Variants in FOXK2 observed in about 807,000 individuals in gnomAD.
The protein encoded by FOXK2 is forkhead box protein K2.
FOXK2 carries 24 observed loss-of-function variants against 53.3 expected under a neutral mutation model. That is an observed-to-expected ratio of 0.45 (90% CI 0.33 to 0.63). The LOEUF is 0.63. Among genes scored for constraint, FOXK2 ranks in the 30% least tolerant of loss-of-function variants. The pLI is 0.03. For synonymous variants in FOXK2, 505 were observed against 407.1 expected, an observed-to-expected ratio of 1.24 and a Z score of -2.89; for missense variants, 952 against 910.5, an observed-to-expected ratio of 1.05 and a Z score of -0.59.
intron 8 of FOXK2, chr17:82,593,930 G>C (rs147789872): frequency 6.6e-6 from 1 of 152,340 alleles, no homozygotes. Context: ...CCAGAGCAGC[G>C]GGATCAGGCC....
intron 4 of FOXK2, among the ~76,000 whole-genome samples, chr17:82,574,865 C>G (rs1046212056): frequency 6.6e-6 from 1 of 152,168 alleles, no homozygotes; most frequent in African/African-American, 2.4e-5. Context: ...TCTGAGGAAT[C>G]CTATTTGAAA....
chr17:82,586,211 G>A lies in FOXK2; in HGVS notation c.1576+11G>A, dbSNP rs766302253. On this transcript the variant is annotated intron_variant, in intron 7 of 8. Coordinates refer to ENST00000335255, the MANE Select transcript of FOXK2 (RefSeq NM_004514.4). ...ACAGGGAAGTCAAAGGTAGGCGGAGGGGAAAGGAGGAGAGGGGAGACCACA... is the reference window on the plus strand; with the variant it reads ...ACAGGGAAGTCAAAGGTAGGCGGAGAGGAAAGGAGGAGAGGGGAGACCACA... 71 of 1,289,230 alleles carry A rather than the reference G, an allele frequency of 5.5e-5. No individual in the cohort carries two copies. The highest frequency in any genetic ancestry group is 7.3e-5 in the Non-Finnish European group (71 of 970,930). 79.9% of individuals were successfully genotyped at this position (1,289,230 alleles called of 1,614,324 possible).
At chr17:82,597,966 C>T (rs1294063339) in intron 8 of FOXK2, among the ~76,000 whole-genome samples, 2 of 152,148 alleles carry the variant, frequency 1.3e-5, no homozygotes, top group East Asian at 3.9e-4. Context: ...TTTCTTTTCA[C>T]TCCAGGCCTC....
At position 82,530,466 on chromosome 17, in the gene FOXK2, AGAG is replaced by A. The variant is rs1321363745; in HGVS notation, c.419+10160_419+10162del. Among the ~76,000 whole-genome samples, 273 of 106,338 alleles carry A rather than the reference AGAG, an allele frequency of 2.6e-3. 1 individual carries two copies. The highest frequency in any genetic ancestry group is 8.8e-3 in the African/African-American group (253 of 28,640). The allele number at this position is 106,338 out of a possible 152,430, so 69.8% of individuals were successfully genotyped here. A position where few individuals can be genotyped will look rare whatever the true frequency, so the allele number is the denominator to read the frequency against. ...CATCTAAAAAAAAAAAAAAAAAAAAAGAGAGAGAAAACCCGAAATAAGGAAATT... is the reference window on the plus strand; with the variant it reads ...CATCTAAAAAAAAAAAAAAAAAAAAAAGAGAAAACCCGAAATAAGGAAATT... On this transcript the variant is annotated intron_variant, in intron 1 of 8. Transcript: ENST00000335255.
intron 8 of FOXK2, among the ~76,000 whole-genome samples, chr17:82,598,116 T>G (rs1248727464): frequency 6.8e-6 from 1 of 146,092 alleles, no homozygotes; most frequent in Non-Finnish European, 1.6e-5. Context: ...TTCTGGCTGT[T>G]TGAAACCGTA....
intron 1 of FOXK2, among the ~76,000 whole-genome samples, chr17:82,534,450 C>G (rs920969575): frequency 6.6e-6 from 1 of 152,182 alleles, no homozygotes; most frequent in Non-Finnish European, 1.5e-5. Context: ...GTTCCCGAGT[C>G]TTTGCACCGG....
intron 3 of FOXK2, among the ~76,000 whole-genome samples, chr17:82,568,676 A>G (rs2044879263): frequency 6.6e-6 from 1 of 152,240 alleles, no homozygotes; most frequent in Non-Finnish European, 1.5e-5. Context: ...TTTTCCTTTT[A>G]GGACTTTGAC....
rs766033253 is a variant in FOXK2 at position 82,563,384 on chromosome 17, C to A, written c.450C>A (p.Ile150=). The change falls in exon 2 of 9, where the codon ATC becomes ATA. Residue 150 remains isoleucine (I), a synonymous_variant. Coordinates refer to ENST00000335255, the MANE Select transcript of FOXK2 (RefSeq NM_004514.4). ...CATTCAGGTTCCCGAGCACAAACAT[C>A]AAGATAACGTTCACTGCCCTGTCCA... The part of the protein sequence containing the change: ...VCTFRFPSTN[I]KITFTALSSE... 1.4e-5 allele frequency: 22 copies of A among 1,613,728 alleles called. No individual in the cohort carries two copies. In the East Asian group the frequency reaches 4.9e-4, roughly 36 times the overall value.
intron 8 of FOXK2, chr17:82,596,138 A>C: frequency 1.0e-6 from 1 of 991,488 alleles, no homozygotes; most frequent in Non-Finnish European, 1.2e-6. Context: ...CCGCGATTGC[A>C]GGGAGGAGCA....
chr17:82,545,659 G>A (rs34402276), intron 1 of FOXK2, among the ~76,000 whole-genome samples: 4,567 of 149,170 alleles, frequency 0.031, 95 homozygotes, highest in Non-Finnish European at 0.044. Flanking sequence ...TTGGCTCACT[G>A]CAACCTCTGC....
intron 8 of FOXK2, among the ~76,000 whole-genome samples, chr17:82,596,890 T>C (rs2045319003): frequency 6.6e-6 from 1 of 152,154 alleles, no homozygotes; most frequent in Non-Finnish European, 1.5e-5. Context: ...ATTCCTGTAG[T>C]CCTCCCGGGC....
chr17:82,574,026 C>A (rs1377238905), intron 4 of FOXK2, among the ~76,000 whole-genome samples: 3 of 152,258 alleles, frequency 2.0e-5, no homozygotes, highest in African/African-American at 7.2e-5. Context: ...CCACGGGACC[C>A]CTCATGCATG....
chr17:82,531,953 G>C (rs932946877), intron 1 of FOXK2, among the ~76,000 whole-genome samples: 3 of 152,132 alleles, frequency 2.0e-5, no homozygotes, highest in African/African-American at 7.2e-5. Flanking sequence ...CAGTTCTCCT[G>C]CCTCAGCTTC....
chr17:82,585,755 TTAG>T lies in FOXK2; in HGVS notation c.1280-146_1280-144del. The T allele has an allele frequency of 4.0e-6, 3 of 749,936 alleles. No individual in the cohort carries two copies. The South Asian group carries it at 5.8e-5, about 15-fold the overall frequency. 46.5% of individuals were successfully genotyped at this position (749,936 alleles called of 1,614,324 possible). ...TTAAAATACTACACCTCCCTCATTATTAGTAACTTTACTATTGTGAGGTGAAAT... is the reference window on the plus strand; with the variant it reads ...TTAAAATACTACACCTCCCTCATTATTAACTTTACTATTGTGAGGTGAAAT... On this transcript the variant is annotated intron_variant, in intron 6 of 8. Transcript: ENST00000335255.
intron 4 of FOXK2, chr17:82,576,568 G>T: frequency 1.3e-6 from 1 of 767,400 alleles, no homozygotes. Flanking sequence ...CTGTTGGGCT[G>T]GTGACATCCA....
chr17:82,586,224 A>T, intron 7 of FOXK2, 24 bp downstream of exon 7: 1 of 1,263,254 alleles, frequency 7.9e-7, no homozygotes. Flanking sequence ...AAAGGAGGAG[A>T]GGGGAGACCA....
intron 8 of FOXK2, chr17:82,587,625 G>GGT: frequency 2.8e-6 from 1 of 358,052 alleles, no homozygotes; most frequent in Non-Finnish European, 5.4e-6. Context: ...GGCCTGTGGC[G>GGT]GTGCTATGCT....
At chr17:82,523,329 AT>A (rs2044385606) in intron 1 of FOXK2, among the ~76,000 whole-genome samples, 1 of 152,232 alleles carries the variant, frequency 6.6e-6, no homozygotes, top group Non-Finnish European at 1.5e-5. Context: ...TGTGAATTAA[AT>A]TATTAACCTA....
At chr17:82,541,257 T>C (rs972806564) in intron 1 of FOXK2, among the ~76,000 whole-genome samples, 15 of 151,074 alleles carry the variant, frequency 9.9e-5, no homozygotes, top group African/African-American at 3.7e-4. Flanking sequence ...TTGTAGATTC[T>C]AAATAACTAA....
Sources: gnomAD v4.1 joint callset for allele counts (sites outside exome capture counted in the v4.1 genomes callset) on GRCh38, gnomAD v4.1.1 for gene constraint, MANE v1.5 for transcripts, NCBI Gene and HGNC (gene_info 2026-07-23, HGNC 2026-07-21) for gene names.